The following PHKA1 variants were observed in gnomAD, a reference collection of about 807,000 sequenced individuals.
The protein encoded by PHKA1 is phosphorylase kinase regulatory subunit alpha 1.
PHKA1 carries 60 observed loss-of-function variants against 110.2 expected under a neutral mutation model. The observed-to-expected ratio is 0.54, with a 90% CI of 0.44 to 0.68. The LOEUF is 0.68. Among genes scored for constraint, PHKA1 ranks in the 30% least tolerant of loss-of-function variants. PHKA1 has a pLI of 0.00. For synonymous variants in PHKA1, 316 were observed against 333.6 expected (o/e 0.95, Z 0.58); for missense variants, 801 against 942.5 (o/e 0.85, Z 1.97).
chrX:72,710,825 ATTTTTTATTTTTTTATTTT>A (rs1273047274), intron 2 of PHKA1, among the ~76,000 whole-genome samples: 10 of 53,711 alleles, frequency 1.9e-4, no homozygotes, highest in Admixed American at 3.7e-4. Context: ...TTTATTTTTT[ATTTTTTATTTTTTTATTTT>A]TTTTTTTATT....
intron 22 of PHKA1, 151 bp downstream of exon 22, chrX:72,610,877 C>A: frequency 4.4e-6 from 2 of 458,810 alleles, no homozygotes; most frequent in Non-Finnish European, 7.7e-6. Context: ...ACTTGTCATT[C>A]ACAAACTAAA....
chrX:72,631,834 T>A (rs782187870), intron 16 of PHKA1, among the ~76,000 whole-genome samples: 1 of 111,530 alleles, frequency 9.0e-6, no homozygotes, highest in South Asian at 3.7e-4. Context: ...GTCTATGCCA[T>A]CTTGTCTCAA....
chrX:72,694,817 A>G (rs2054086916), intron 4 of PHKA1, among the ~76,000 whole-genome samples: 1 of 111,960 alleles, frequency 8.9e-6, no homozygotes, highest in Non-Finnish European at 1.9e-5. Context: ...CTTTGTAGAC[A>G]TAACTCCAGA....
chrX:72,633,200 A>G (rs782200176), intron 16 of PHKA1, among the ~76,000 whole-genome samples: 1 of 111,766 alleles, frequency 8.9e-6, no homozygotes, highest in Admixed American at 9.5e-5. Context: ...GTTTGTTGAA[A>G]CTTAATCACC....
chrX:72,644,349 C>A lies in PHKA1; in HGVS notation c.1459+13G>T. ...TAATGCTTTGATTCTAGCAGGCTAG[C>A]CAATCTCCTTACCTAGGCTGGAATA... On this transcript the variant is annotated intron_variant, in intron 14 of 31. Transcript: ENST00000373542. 8.3e-7 allele frequency: 1 copy of A among 1,208,010 alleles called. No homozygotes were observed. Among genetic ancestry groups the A allele is most frequent in the African/African-American group, 1.7e-5 (1 of 57,724 alleles).
chrX:72,624,313 T>C (rs2053021670), intron 17 of PHKA1, among the ~76,000 whole-genome samples: 1 of 111,407 alleles, frequency 9.0e-6, no homozygotes, highest in Non-Finnish European at 1.9e-5. Context: ...CAGTTTCCAG[T>C]TCTACACCTC....
chrX:72,673,374 G>A (rs782123349), intron 6 of PHKA1, among the ~76,000 whole-genome samples: 20 of 111,976 alleles, frequency 1.8e-4, no homozygotes, highest in Non-Finnish European at 3.2e-4. Context: ...TAGGGAACTT[G>A]AGTGAAGGGT....
intron 5 of PHKA1, among the ~76,000 whole-genome samples, chrX:72,677,126 T>G (rs782203469): frequency 6.9e-4 from 78 of 112,315 alleles, no homozygotes; most frequent in African/African-American, 2.5e-3. Flanking sequence ...AGATTAGTGA[T>G]CAGGTATTTA....
chrX:72,613,412 A>G (rs1346315586), intron 21 of PHKA1, among the ~76,000 whole-genome samples: 1 of 108,697 alleles, frequency 9.2e-6, no homozygotes, highest in African/African-American at 3.4e-5. Flanking sequence ...CACACACAAC[A>G]CTGACTGCCC....
chrX:72,706,158 T>C (rs1301525503), intron 2 of PHKA1, among the ~76,000 whole-genome samples: 3 of 112,129 alleles, frequency 2.7e-5, no homozygotes, highest in Non-Finnish European at 3.8e-5. Flanking sequence ...GATAAGTACC[T>C]ATTAAGTTCC....
intron 6 of PHKA1, among the ~76,000 whole-genome samples, chrX:72,671,701 A>C (rs1311166630): frequency 3.6e-5 from 4 of 111,725 alleles, no homozygotes; most frequent in African/African-American, 9.8e-5. Context: ...ACAAGGCTAC[A>C]GTAACCAAAA....
chrX:72,631,343 T>G (rs1197684375), intron 16 of PHKA1, among the ~76,000 whole-genome samples: 1 of 111,243 alleles, frequency 9.0e-6, no homozygotes, highest in African/African-American at 3.3e-5. Flanking sequence ...GGGGAGGAGC[T>G]CCTCTACTTT....
intron 14 of PHKA1, among the ~76,000 whole-genome samples, chrX:72,639,023 A>T (rs1251844016): frequency 8.9e-6 from 1 of 112,226 alleles, no homozygotes; most frequent in East Asian, 2.8e-4. Context: ...AAATTCAGCC[A>T]TTCCAGTTAT....
intron 4 of PHKA1, among the ~76,000 whole-genome samples, chrX:72,688,374 T>C (rs1253857557): frequency 8.9e-6 from 1 of 112,120 alleles, no homozygotes; most frequent in Non-Finnish European, 1.9e-5. Context: ...GATAGTGACA[T>C]GGGACATCAG....
intron 14 of PHKA1, among the ~76,000 whole-genome samples, chrX:72,639,696 G>T (rs1416318252): frequency 8.9e-6 from 1 of 112,070 alleles, no homozygotes; most frequent in Non-Finnish European, 1.9e-5. Context: ...ATATTCATCA[G>T]CACTGGATAT....
intron 16 of PHKA1, among the ~76,000 whole-genome samples, chrX:72,630,100 A>T (rs1462550660): frequency 1.8e-5 from 2 of 111,318 alleles, no homozygotes; most frequent in African/African-American, 6.5e-5. Flanking sequence ...AAAATACAAA[A>T]ACTTAGCCGG....
intron 6 of PHKA1, among the ~76,000 whole-genome samples, chrX:72,674,271 G>T (rs2053747645): frequency 9.0e-6 from 1 of 110,513 alleles, no homozygotes; most frequent in Middle Eastern, 4.6e-3. Flanking sequence ...AAACATATGT[G>T]TGCATGTGTC....
chrX:72,668,271 A>G (rs1171034641), intron 6 of PHKA1, among the ~76,000 whole-genome samples: 2 of 112,056 alleles, frequency 1.8e-5, no homozygotes, highest in Admixed American at 9.5e-5. Flanking sequence ...CTGTCAAGCT[A>G]ATAAAATAAC....
At chrX:72,605,439 G>A (rs1253695250) in intron 24 of PHKA1, 39 bp from the exon 25 acceptor site, 2 of 1,192,075 alleles carry the variant, frequency 1.7e-6, no homozygotes, top group East Asian at 3.0e-5. Flanking sequence ...TAATGGCCTA[G>A]GTCTCACAAT....
Sources: allele counts gnomAD v4.1 joint callset (sites outside exome capture counted in the v4.1 genomes callset), GRCh38; gene constraint gnomAD v4.1.1; transcripts MANE v1.5; gene names NCBI Gene and HGNC (gene_info 2026-07-23, HGNC 2026-07-21).